Variants in GALNS observed in about 807,000 individuals in gnomAD.
GALNS encodes the protein galactosamine (N-acetyl)-6-sulfatase, also known as N-acetylgalactosamine-6-sulfatase.
GALNS carries 65 observed loss-of-function variants against 65.9 expected under a neutral mutation model. The observed-to-expected ratio is 0.99, with a 90% CI of 0.81 to 1.21. The LOEUF (loss-of-function observed/expected upper bound fraction) is 1.21. Ranked by LOEUF, GALNS falls within the 50% of genes most tolerant of loss-of-function variation. The probability of loss-of-function intolerance (pLI) is 0.00; values close to 1 mark genes in which losing one functional copy is unlikely to be tolerated. For synonymous variants in GALNS, 346 were observed against 288.9 expected, an observed-to-expected ratio of 1.20 and a Z score of -2.00; for missense variants, 776 against 700.7, an observed-to-expected ratio of 1.11 and a Z score of -1.21.
chr16:88,827,519 T>C (rs1046148552), intron 9 of GALNS, among the ~76,000 whole-genome samples: 16 of 152,216 alleles, frequency 1.1e-4, no homozygotes, highest in African/African-American at 3.9e-4. Context: ...CGATCTCAGC[T>C]CACCACAACC....
rs886052451 is a variant in GALNS, at chr16:88,814,176, A to G, written c.*263T>C. 3 of 567,930 alleles carry G rather than the reference A, an allele frequency of 5.3e-6. No individual in the cohort carries two copies. The highest frequency in any genetic ancestry group is 9.5e-6 in the Non-Finnish European group (3 of 316,184). 35.2% of individuals were successfully genotyped at this position (567,930 alleles called of 1,614,324 possible). On this transcript the variant is annotated 3_prime_UTR_variant, in exon 14 of 14. Transcript: ENST00000268695. The stretch of plus-strand genomic sequence containing the variant: ...GATATTTGGGGTTCACAAAGGCGTG[A>G]GACGGCAGGGTCCTGAGGTCTGAGG...
chr16:88,839,433 T>C (rs1225587079), intron 4 of GALNS, among the ~76,000 whole-genome samples: 2 of 152,226 alleles, frequency 1.3e-5, no homozygotes, highest in Non-Finnish European at 2.9e-5. Context: ...AAAGCAGCAG[T>C]GGGGCCTGGC....
chr16:88,843,805 T>A (rs116175762), intron 1 of GALNS: 4,759 of 154,840 alleles, frequency 0.031, 251 homozygotes, highest in African/African-American at 0.11. Flanking sequence ...CTCACGCACG[T>A]ACCGCGGCAC....
At chr16:88,842,251 G>T (rs113037698) in intron 2 of GALNS, 2 of 575,038 alleles carry the variant, frequency 3.5e-6, no homozygotes, top group Admixed American at 5.4e-5. Context: ...CCCACTGGGC[G>T]TGCAGGTCCA....
chr16:88,826,239 TGGG>T (rs1910892692), intron 10 of GALNS, among the ~76,000 whole-genome samples: 1 of 17,856 alleles, frequency 5.6e-5, no homozygotes, highest in Non-Finnish European at 1.1e-4. Flanking sequence ...GCAACAGGGG[TGGG>T]GCAGGCAGGG....
chr16:88,847,510 G>C (rs1656602943), intron 1 of GALNS, among the ~76,000 whole-genome samples: 1 of 152,242 alleles, frequency 6.6e-6, no homozygotes, highest in Admixed American at 6.5e-5. Context: ...GAGGAGGGCT[G>C]TGCCTGGAGG....
intron 1 of GALNS, chr16:88,855,179 C>T (rs766545633): frequency 3.3e-5 from 22 of 668,664 alleles, no homozygotes; most frequent in African/African-American, 7.1e-5. Flanking sequence ...AATATTATTT[C>T]GACAAGTCTT....
intron 13 of GALNS, chr16:88,816,058 G>A (rs1909589608): frequency 1.0e-6 from 1 of 985,338 alleles, no homozygotes; most frequent in African/African-American, 1.7e-5. Flanking sequence ...TCTCCCCCAT[G>A]GCTCTGCTCA....
intron 3 of GALNS, 111 bp from the exon 4 acceptor site, chr16:88,841,205 C>T: frequency 6.0e-6 from 5 of 834,396 alleles, no homozygotes; most frequent in Middle Eastern, 3.1e-4. Context: ...GGACACTGGC[C>T]CCTCGGGGTC....
Position 88,818,097 on chromosome 16 carries a change from G to T in GALNS, c.1392C>A (p.Ala464=), listed in dbSNP as rs764750932. The T allele has an allele frequency of 8.9e-5, 140 of 1,573,406 alleles. No homozygotes were observed. Among genetic ancestry groups the T allele is most frequent in the Non-Finnish European group, 1.1e-4 (133 of 1,166,412 alleles). ...GGACGACCGAGGTGATCCTGCTGAG[G>T]GCCTCCTGGTACTCGGCGCTGGCAA... ...LSFASAEYQE[A]LSRITSVVQQ... is the part of the protein sequence containing the mutation. The change falls in exon 13 of 14, where the codon GCC becomes GCA. Residue 464 remains alanine (A), a synonymous_variant. Coordinates refer to ENST00000268695, the MANE Select transcript of GALNS (RefSeq NM_000512.5).
chr16:88,838,192 A>T (rs1033729664), intron 4 of GALNS, among the ~76,000 whole-genome samples: 1 of 152,118 alleles, frequency 6.6e-6, no homozygotes, highest in Non-Finnish European at 1.5e-5. Context: ...CAGGGCAGAA[A>T]ATATTTCCTG....
chr16:88,839,108 T>C (rs556372112), intron 4 of GALNS, among the ~76,000 whole-genome samples: 14 of 144,900 alleles, frequency 9.7e-5, no homozygotes, highest in South Asian at 6.7e-4. Flanking sequence ...CACTCGTGCG[T>C]CCACGTCCGC....
At chr16:88,843,234 T>A (rs1468660675) in intron 1 of GALNS, 1 of 1,293,896 alleles carries the variant, frequency 7.7e-7, no homozygotes, top group Non-Finnish European at 1.0e-6. Context: ...CCCTCGTATG[T>A]CTGTACACGT....
Position 88,841,927 on chromosome 16 carries a change from A to C in GALNS, c.289T>G (p.Phe97Val), listed in dbSNP as rs2143005083. The C allele has an allele frequency of 3.7e-6, 6 of 1,613,600 alleles. No individual in the cohort carries two copies. The highest frequency in any genetic ancestry group is 4.2e-6 in the Non-Finnish European group (5 of 1,179,836). The change falls in exon 3 of 14, where the codon TTC (phenylalanine) becomes GTC (valine). Residue 97 changes from phenylalanine (F) to valine (V), a missense_variant. Phe to Val is a conservative substitution (Grantham distance 50). Coordinates refer to ENST00000268695, the MANE Select transcript of GALNS (RefSeq NM_000512.5). ...CTGGCATGGGCGTTGGTGGTGTAGAAGCCATTGCGGATGGGTAGCCGTCCT... is the reference window on the plus strand; with the variant it reads ...CTGGCATGGGCGTTGGTGGTGTAGACGCCATTGCGGATGGGTAGCCGTCCT... ...LTGRLPIRNG[F>V]YTTNAHARNA...
intron 4 of GALNS, among the ~76,000 whole-genome samples, chr16:88,838,351 C>G (rs1425419882): frequency 6.6e-6 from 1 of 152,152 alleles, no homozygotes; most frequent in Non-Finnish European, 1.5e-5. Context: ...TCCCCAGGAC[C>G]CTGGCAGAGG....
chr16:88,855,143 T>C, intron 1 of GALNS: 1 of 591,596 alleles, frequency 1.7e-6, no homozygotes, highest in Non-Finnish European at 3.1e-6. Flanking sequence ...ACTAACTTTA[T>C]ATTTTATTTA....
At position 88,815,349 on chromosome 16, in the gene GALNS, A is replaced by C. The variant is rs1597517391; in HGVS notation, c.1483-824T>G. ...CCCACCCTGAGCTTCTCAACTCATC[A>C]CCCTCTCCTGCAGCTTCAGCCTCTC... On this transcript the variant is annotated intron_variant, in intron 13 of 13. Coordinates refer to ENST00000268695, the MANE Select transcript of GALNS (RefSeq NM_000512.5). 3.0e-6 allele frequency: 3 copies of C among 985,336 alleles called. No individual in the cohort carries two copies. In the South Asian group the frequency reaches 1.4e-4, roughly 46 times the overall value. The allele number at this position is 985,336 out of a possible 1,614,324, so 61.0% of individuals were successfully genotyped here.
chr16:88,816,847 G>C, intron 13 of GALNS: 2 of 985,454 alleles, frequency 2.0e-6, no homozygotes, highest in Non-Finnish European at 2.4e-6. Context: ...TGCAGCTGCC[G>C]AGGGGCCTTC....
intron 1 of GALNS, among the ~76,000 whole-genome samples, chr16:88,848,760 C>T (rs577387744): frequency 6.4e-4 from 98 of 151,956 alleles, no homozygotes; most frequent in African/African-American, 2.2e-3. Flanking sequence ...TCACCGGGGG[C>T]GGGGGTGGCA....
Sources: gnomAD v4.1 joint callset for allele counts (sites outside exome capture counted in the v4.1 genomes callset) on GRCh38, gnomAD v4.1.1 for gene constraint, MANE v1.5 for transcripts, NCBI Gene and HGNC (gene_info 2026-07-23, HGNC 2026-07-21) for gene names.